APBB2: variants seen among roughly 807,000 people sequenced by gnomAD.
The protein encoded by APBB2 is Fe65-like 1.
Under a neutral mutation model 82.5 loss-of-function variants are expected in APBB2, and 38 were observed. The observed-to-expected ratio is 0.46, with a 90% CI of 0.36 to 0.60. The LOEUF is 0.60. Ranked by LOEUF, APBB2 falls within the 20% of genes least tolerant of loss-of-function variation. The pLI, the probability that APBB2 is intolerant of heterozygous loss-of-function variation, is 0.00. For synonymous variants in APBB2, 341 were observed against 368.2 expected (o/e 0.93, Z 0.85); for missense variants, 772 against 972.3 (o/e 0.79, Z 2.74).
intron 2 of APBB2, among the ~76,000 whole-genome samples, chr4:41,124,930 A>G (rs1377729410): frequency 6.6e-6 from 1 of 152,220 alleles, no homozygotes; most frequent in African/African-American, 2.4e-5. Flanking sequence ...GGGAATTACA[A>G]TGAAACTTTG....
intron 1 of APBB2, among the ~76,000 whole-genome samples, chr4:41,147,787 C>T (rs1012427515): frequency 6.6e-6 from 1 of 152,058 alleles, no homozygotes; most frequent in Non-Finnish European, 1.5e-5. Context: ...CTCTCCTTTT[C>T]AAGCCTGATT....
chr4:41,106,638 G>A (rs1239235404), intron 2 of APBB2, among the ~76,000 whole-genome samples: 3 of 152,000 alleles, frequency 2.0e-5, no homozygotes, highest in Non-Finnish European at 2.9e-5. Context: ...CACCACGCCA[G>A]GCTAATTTTT....
At chr4:41,185,214 A>G (rs1580703338) in intron 1 of APBB2, among the ~76,000 whole-genome samples, 1 of 152,352 alleles carries the variant, frequency 6.6e-6, no homozygotes, top group East Asian at 1.9e-4. Flanking sequence ...AAAGCATCTT[A>G]ATATGGTTAT....
intron 12 of APBB2, chr4:40,842,315 T>TA (rs1364786072): frequency 2.2e-6 from 1 of 445,198 alleles, no homozygotes; most frequent in Non-Finnish European, 4.6e-6. Flanking sequence ...AAGTGAGCTT[T>TA]GCCAGACACG....
At chr4:41,183,055 A>ATTCTTGCAGTT (rs1187005530) in intron 1 of APBB2, among the ~76,000 whole-genome samples, 1 of 152,178 alleles carries the variant, frequency 6.6e-6, no homozygotes, top group Admixed American at 6.5e-5. Flanking sequence ...AGTAAATGGC[A>ATTCTTGCAGTT]ATTCCATTCT....
chr4:41,158,770 T>C (rs543224138), intron 1 of APBB2, among the ~76,000 whole-genome samples: 5 of 152,308 alleles, frequency 3.3e-5, no homozygotes, highest in Admixed American at 2.6e-4. Flanking sequence ...GAAAAGGAAC[T>C]AATATCGATT....
At chr4:41,078,590 C>T (rs1429504542) in intron 3 of APBB2, among the ~76,000 whole-genome samples, 1 of 152,148 alleles carries the variant, frequency 6.6e-6, no homozygotes, top group South Asian at 2.1e-4. Context: ...GTCAAATATG[C>T]CTAAATCTTC....
At chr4:41,073,257 A>T (rs1734494770) in intron 3 of APBB2, among the ~76,000 whole-genome samples, 1 of 152,222 alleles carries the variant, frequency 6.6e-6, no homozygotes, top group Non-Finnish European at 1.5e-5. Context: ...GAGTAAAAAA[A>T]ACCTAGAATG....
intron 5 of APBB2, among the ~76,000 whole-genome samples, chr4:41,027,393 AT>A (rs1714833142): frequency 1.5e-5 from 2 of 129,984 alleles, no homozygotes; most frequent in African/African-American, 7.8e-5. Context: ...ATATATATAT[AT>A]ATATATATAT....
chr4:40,832,687 G>A lies in APBB2; in HGVS notation c.1530-2110C>T, dbSNP rs146183394. Among the ~76,000 whole-genome samples, 1 of 152,292 alleles carries A rather than the reference G, an allele frequency of 6.6e-6. No individual in the cohort carries two copies. Among genetic ancestry groups the A allele is most frequent in the East Asian group, 1.9e-4 (1 of 5,182 alleles). ...CCCTTGCCAGGACTCAGCTGAAGAT[G>A]GGTGAGAGCCTGGAAGGTTCCTCGC... On this transcript the variant is annotated intron_variant, in intron 12 of 17. Transcript: ENST00000508593. This position sits in a 1 kb window ranked among gnomAD's most constrained non-coding sequence, Gnocchi z 4.8.
At chr4:41,124,311 C>T (rs934772318) in intron 2 of APBB2, among the ~76,000 whole-genome samples, 6 of 152,140 alleles carry the variant, frequency 3.9e-5, no homozygotes, top group African/African-American at 4.8e-5. Flanking sequence ...CTCCGCCTCC[C>T]GCATTCACGC....
At chr4:41,202,700 T>C (rs773781451) in intron 1 of APBB2, among the ~76,000 whole-genome samples, 2 of 152,216 alleles carry the variant, frequency 1.3e-5, no homozygotes, top group African/African-American at 2.4e-5. Flanking sequence ...ATTTCAAAAA[T>C]TAACTTTCAA....
intron 10 of APBB2, among the ~76,000 whole-genome samples, chr4:40,900,126 G>T (rs1207526796): frequency 2.6e-5 from 4 of 152,194 alleles, no homozygotes; most frequent in Admixed American, 2.6e-4. Flanking sequence ...CTAAAATGTG[G>T]CCCGACACTA....
rs1306783825 is a variant in APBB2, at chr4:41,110,566, G to GCACTCCA, written c.-260-9823_-260-9817dup. ...TGCAGTGAGCCGAGATCGCACCACT[G>GCACTCCA]CACTCCAGCCTGGGCATCAGAGTTA... is the stretch of plus-strand genomic sequence containing the variant. On this transcript the variant is annotated intron_variant, in intron 2 of 17. Transcript: ENST00000508593. 4.0e-5 allele frequency among the ~76,000 whole-genome samples: 6 copies of GCACTCCA among 148,548 alleles called. No individual in the cohort carries two copies. The South Asian group carries it at 8.5e-4, about 21-fold the overall frequency.
Position 40,854,790 on chromosome 4 carries a change from C to CAAAAAAAAAAAA in APBB2, c.1530-24225_1530-24214dup, listed in dbSNP as rs80240731. ...GGCGATAAGAGCGAAAGTCCATCTC[C>CAAAAAAAAAAAA]AAAAAAAAAAAAAAAAAAAGAAGAA... is the stretch of plus-strand genomic sequence containing the variant. On this transcript the variant is annotated intron_variant, in intron 12 of 17. Transcript: ENST00000508593. Among the ~76,000 whole-genome samples, 10 of 124,816 alleles carry CAAAAAAAAAAAA rather than the reference C, an allele frequency of 8.0e-5. 1 individual carries two copies. Among genetic ancestry groups the CAAAAAAAAAAAA allele is most frequent in the African/African-American group, 2.5e-4 (8 of 31,704 alleles). 81.9% of individuals were successfully genotyped at this position (124,816 alleles called of 152,430 possible). A position where few individuals can be genotyped will look rare whatever the true frequency, so the allele number is the denominator to read the frequency against.
chr4:41,128,842 C>G (rs1755161041), intron 2 of APBB2, among the ~76,000 whole-genome samples: 1 of 152,168 alleles, frequency 6.6e-6, no homozygotes, highest in Non-Finnish European at 1.5e-5. Context: ...AACTAACGGG[C>G]TATTATATAT....
At chr4:40,957,597 T>C (rs966643357) in intron 6 of APBB2, among the ~76,000 whole-genome samples, 1 of 152,046 alleles carries the variant, frequency 6.6e-6, no homozygotes, top group Admixed American at 6.6e-5. Context: ...TTTTTTTTTT[T>C]TTTGAGGCGG....
intron 6 of APBB2, among the ~76,000 whole-genome samples, chr4:40,956,150 C>G (rs1046341843): frequency 6.6e-6 from 1 of 152,058 alleles, no homozygotes; most frequent in Non-Finnish European, 1.5e-5. Flanking sequence ...TACTTAGTCC[C>G]TTTATTTTTT....
In APBB2 at chr4:40,850,004, G is replaced by A. The variant is rs1042910145; in HGVS notation, c.1530-19427C>T. On this transcript the variant is annotated intron_variant, in intron 12 of 17. Coordinates refer to ENST00000508593, the MANE Select transcript of APBB2 (RefSeq NM_004307.2). ...CTCCCAAAGTGCTGGGATTACAGGC[G>A]TGAGCCACCGTGCCCTGCTACTCAG... is the stretch of plus-strand genomic sequence containing the variant. Among the ~76,000 whole-genome samples, 9 of 152,158 alleles carry A rather than the reference G, an allele frequency of 5.9e-5. No individual in the cohort carries two copies. In the East Asian group the frequency reaches 9.6e-4, roughly 16 times the overall value.
Sources: allele counts gnomAD v4.1 joint callset (sites outside exome capture counted in the v4.1 genomes callset), GRCh38; gene constraint gnomAD v4.1.1; non-coding constraint Gnocchi (gnomAD v3.1); transcripts MANE v1.5; gene names NCBI Gene and HGNC (gene_info 2026-07-23, HGNC 2026-07-21).